The following DMD variants were observed in gnomAD, a reference collection of about 807,000 sequenced individuals.
The protein encoded by DMD is dystrophin.
DMD carries 63 observed loss-of-function variants against 330.1 expected under a neutral mutation model. That is an observed-to-expected ratio of 0.19 (90% CI 0.16 to 0.24). The LOEUF (loss-of-function observed/expected upper bound fraction) is 0.24. Ranked by LOEUF, DMD falls within the 10% of genes least tolerant of loss-of-function variation. The pLI, the probability that DMD is intolerant of heterozygous loss-of-function variation, is 1.00. For missense variants in DMD, 3,344 were observed against 2,684.1 expected (o/e 1.25, Z -5.43); for synonymous variants, 1,223 against 959.8 (o/e 1.27, Z -5.07).
intron 54 of DMD, among the ~76,000 whole-genome samples, chrX:31,633,148 T>A (rs1423617052): frequency 8.9e-6 from 1 of 112,074 alleles, no homozygotes; most frequent in Non-Finnish European, 1.9e-5. Context: ...TTGCTTTTCA[T>A]CCACAGCATG....
intron 29 of DMD, among the ~76,000 whole-genome samples, chrX:32,419,498 A>G (rs1382286727): frequency 8.9e-6 from 1 of 112,255 alleles, no homozygotes; most frequent in East Asian, 2.8e-4. Context: ...AATGTATTTA[A>G]TAGGGATATA....
chrX:32,292,254 C>T, intron 42 of DMD, among the ~76,000 whole-genome samples: 1 of 106,473 alleles, frequency 9.4e-6, no homozygotes, highest in Middle Eastern at 5.1e-3. Flanking sequence ...CTTATGTTTC[C>T]TGACTAGATA....
chrX:32,326,390 T>C (rs1230784181), intron 41 of DMD, among the ~76,000 whole-genome samples: 1 of 112,338 alleles, frequency 8.9e-6, no homozygotes, highest in Admixed American at 9.4e-5. Context: ...AAAGGACATA[T>C]TTTGCTAAGT....
At chrX:31,749,278 T>A (rs2088190079) in intron 51 of DMD, among the ~76,000 whole-genome samples, 1 of 93,715 alleles carries the variant, frequency 1.1e-5, no homozygotes, top group Non-Finnish European at 2.1e-5. Flanking sequence ...TATCTCCCAA[T>A]GCCATCCCTC....
chrX:33,004,532 T>C (rs1456326167), intron 2 of DMD, among the ~76,000 whole-genome samples: 2 of 111,717 alleles, frequency 1.8e-5, no homozygotes, highest in East Asian at 5.6e-4. Flanking sequence ...AATATGATAG[T>C]TTTCCCTAAG....
At chrX:32,028,242 C>T (rs748604948) in intron 44 of DMD, among the ~76,000 whole-genome samples, 6 of 111,426 alleles carry the variant, frequency 5.4e-5, no homozygotes, top group Non-Finnish European at 3.8e-5. Flanking sequence ...AGAAGAACCC[C>T]GCTCGATGGT....
rs60819292 is a variant in DMD, at chrX:32,538,618, G to T, written c.2168+6541C>A. ...GCCCCTTTATGGGGGCTGTCATAAG[G>T]AAAGAGAATCAGGGGTCAGACTGTA... On this transcript the variant is annotated intron_variant, in intron 17 of 78. Coordinates refer to ENST00000357033, the MANE Select transcript of DMD (RefSeq NM_004006.3). Among the ~76,000 whole-genome samples the T allele has an allele frequency of 8.2e-3, 918 of 111,389 alleles. 9 individuals are homozygous for T. The highest frequency in any genetic ancestry group is 0.028 in the African/African-American group (854 of 30,633).
At chrX:32,618,345 G>C (rs1050301107) in intron 11 of DMD, among the ~76,000 whole-genome samples, 4 of 111,924 alleles carry the variant, frequency 3.6e-5, no homozygotes, top group African/African-American at 9.7e-5. Context: ...AAAAGAGTAA[G>C]ATTATGTTCT....
intron 29 of DMD, among the ~76,000 whole-genome samples, chrX:32,413,879 C>T (rs892764668): frequency 1.8e-5 from 2 of 109,372 alleles, no homozygotes; most frequent in African/African-American, 6.7e-5. Context: ...TGCCACCATG[C>T]CTGGCGAATT....
rs189241690 is a variant in DMD at position 32,334,569 on chromosome X, G to A, written c.5922+7531C>T. ...CTCAGACATTATTTTACATAAGGTG[G>A]TGGCAAACAGTTCTGTTATTACTTT... On this transcript the variant is annotated intron_variant, in intron 41 of 78. Transcript: ENST00000357033. Among the ~76,000 whole-genome samples the A allele has an allele frequency of 9.9e-4, 111 of 111,661 alleles. 1 individual carries two copies. Among genetic ancestry groups the A allele is most frequent in the Middle Eastern group, 4.7e-3 (1 of 215 alleles).
At chrX:32,437,287 G>C (rs1248080326) in intron 29 of DMD, among the ~76,000 whole-genome samples, 1 of 111,819 alleles carries the variant, frequency 8.9e-6, no homozygotes, top group Non-Finnish European at 1.9e-5. Context: ...AGGTGCTGCT[G>C]GTACATTTGC....
At chrX:32,778,068 T>C (rs1285182571) in intron 7 of DMD, among the ~76,000 whole-genome samples, 2 of 111,719 alleles carry the variant, frequency 1.8e-5, no homozygotes, top group East Asian at 2.8e-4. Context: ...TGGTTCAACA[T>C]AGATTTGTCA....
At position 31,612,833 on chromosome X, in the gene DMD, T is replaced by C. The variant is rs201887678; in HGVS notation, c.8217+14840A>G. ...ATTTAATTTTAATTTATATAGTTAC[T>C]GTCATGAGCATTTTGCAGCTTTTAA... On this transcript the variant is annotated intron_variant, in intron 55 of 78. Transcript: ENST00000357033. Among the ~76,000 whole-genome samples the C allele has an allele frequency of 3.3e-4, 37 of 112,548 alleles. No individual in the cohort carries two copies. The East Asian group carries it at 8.3e-3, about 25-fold the overall frequency.
At chrX:32,967,279 C>T (rs926341132) in intron 2 of DMD, among the ~76,000 whole-genome samples, 2 of 111,209 alleles carry the variant, frequency 1.8e-5, no homozygotes, top group Non-Finnish European at 3.8e-5. Flanking sequence ...TCACAGAAAG[C>T]ATCAACAGGA....
intron 1 of DMD, among the ~76,000 whole-genome samples, chrX:33,301,246 G>A (rs1050970762): frequency 9.0e-5 from 10 of 111,106 alleles, no homozygotes; most frequent in Non-Finnish European, 1.7e-4. Context: ...AAGGCCTTAG[G>A]AACTGTACGT....
At chrX:32,721,420 CTTATTA>C (rs981964737) in intron 7 of DMD, among the ~76,000 whole-genome samples, 9 of 109,273 alleles carry the variant, frequency 8.2e-5, no homozygotes, top group African/African-American at 2.7e-4. Flanking sequence ...GAAGTAATAC[CTTATTA>C]TGATTTTGAT....
At chrX:32,107,612 G>A (rs192398068) in intron 44 of DMD, among the ~76,000 whole-genome samples, 81 of 110,505 alleles carry the variant, frequency 7.3e-4, no homozygotes, top group South Asian at 1.9e-3. Flanking sequence ...CGGGCAGAAC[G>A]ATTCCCTTTT....
At chrX:32,581,191 A>G (rs927461704) in intron 13 of DMD, among the ~76,000 whole-genome samples, 15 of 112,349 alleles carry the variant, frequency 1.3e-4, no homozygotes, top group African/African-American at 3.9e-4. Flanking sequence ...TCTCATGCCA[A>G]CTCTTGACAT....
intron 55 of DMD, among the ~76,000 whole-genome samples, chrX:31,523,333 G>GCCACCT (rs2073005253): frequency 9.0e-6 from 1 of 110,604 alleles, no homozygotes; most frequent in Admixed American, 9.7e-5. Flanking sequence ...TTCTGCTACT[G>GCCACCT]CCACCTCCAC....
Sources: gnomAD v4.1 joint callset for allele counts (sites outside exome capture counted in the v4.1 genomes callset) on GRCh38, gnomAD v4.1.1 for gene constraint, MANE v1.5 for transcripts, NCBI Gene and HGNC (gene_info 2026-07-23, HGNC 2026-07-21) for gene names.